The following TATDN1 variants were observed in gnomAD, a reference collection of about 807,000 sequenced individuals.
TATDN1 encodes deoxyribonuclease TATDN1.
A neutral mutation model predicts 46.4 loss-of-function variants in TATDN1; 40 were observed. That is an observed-to-expected ratio of 0.86 (90% CI 0.67 to 1.12). TATDN1 has a LOEUF of 1.12. Ranked by LOEUF, TATDN1 falls within the 50% of genes most tolerant of loss-of-function variation. TATDN1 has a pLI of 0.00. For synonymous variants in TATDN1, 95 were observed against 105.6 expected (o/e 0.90, Z 0.62); for missense variants, 326 against 348.4 (o/e 0.94, Z 0.51).
intron 1 of TATDN1, among the ~76,000 whole-genome samples, chr8:124,537,953 A>G (rs201921176): frequency 6.7e-6 from 1 of 148,872 alleles, no homozygotes; most frequent in Admixed American, 6.6e-5. Flanking sequence ...CTTTGAAAAA[A>G]AAAAATACTG....
intron 11 of TATDN1, chr8:124,490,111 C>T (rs1028070156): frequency 6.6e-6 from 1 of 152,190 alleles, no homozygotes; most frequent in South Asian, 2.1e-4. Flanking sequence ...ATGCACTTCT[C>T]AGAATTGGAA....
intron 1 of TATDN1, among the ~76,000 whole-genome samples, chr8:124,531,307 G>T (rs1441912015): frequency 6.6e-6 from 1 of 152,190 alleles, no homozygotes; most frequent in Non-Finnish European, 1.5e-5. Flanking sequence ...ATGGACTGCA[G>T]AATCAGTAAT....
In TATDN1 at chr8:124,493,893, G is replaced by A. The variant is rs749330996; in HGVS notation, c.731C>T (p.Thr244Ile). ...GSKYIRTAFP[T>I]KKKWESGHCL... ...GTGCCCACTTTCCCACTTCTTTTTG[G>A]TAGGAAATGCAGTTCTTATATATTT... The change falls in exon 11 of 12, where the codon ACC becomes ATC. Residue 244 changes from threonine to isoleucine, a missense_variant. Coordinates refer to ENST00000276692, the MANE Select transcript of TATDN1 (RefSeq NM_032026.4). 6.2e-7 allele frequency: 1 copy of A among 1,612,126 alleles called. No individual in the cohort carries two copies. The highest frequency in any genetic ancestry group is 8.5e-7 in the Non-Finnish European group (1 of 1,179,802).
At position 124,521,974 on chromosome 8, in the gene TATDN1, T is replaced by C. The variant is rs890475696; in HGVS notation, c.138+177A>G. 5 of 460,532 alleles carry C rather than the reference T, an allele frequency of 1.1e-5. No homozygotes were observed. The South Asian group carries it at 1.4e-4, about 13-fold the overall frequency. 28.5% of individuals were successfully genotyped at this position (460,532 alleles called of 1,614,324 possible). On this transcript the variant is annotated intron_variant, in intron 3 of 11. Coordinates refer to ENST00000276692, the MANE Select transcript of TATDN1 (RefSeq NM_032026.4). The stretch of plus-strand genomic sequence containing the variant: ...ATACATGAGATTTGTGTAACTTAAA[T>C]TGCTATGAACAGAGTATTTTGATAT...
intron 4 of TATDN1, among the ~76,000 whole-genome samples, chr8:124,518,372 A>C (rs1374411146): frequency 1.3e-5 from 2 of 150,650 alleles, no homozygotes; most frequent in East Asian, 1.9e-4. Flanking sequence ...AAAATACAAA[A>C]AATTAGCCTG....
chr8:124,497,428 G>C (rs538220924), intron 9 of TATDN1, among the ~76,000 whole-genome samples: 1 of 152,102 alleles, frequency 6.6e-6, no homozygotes, highest in African/African-American at 2.4e-5. Flanking sequence ...TGGGACTACA[G>C]GTGCCTGCCA....
chr8:124,527,678 T>A (rs532177178), intron 1 of TATDN1, among the ~76,000 whole-genome samples: 1 of 150,642 alleles, frequency 6.6e-6, no homozygotes, highest in South Asian at 2.1e-4. Flanking sequence ...GGCAGGGGGG[T>A]GCTTAGAAAT....
intron 3 of TATDN1, chr8:124,521,746 C>G (rs1820066760): frequency 6.5e-6 from 1 of 154,990 alleles, no homozygotes; most frequent in South Asian, 2.0e-4. Context: ...GAAAGTTTTA[C>G]TCCATTATTT....
intron 1 of TATDN1, among the ~76,000 whole-genome samples, chr8:124,527,670 C>T (rs1586669062): frequency 2.0e-5 from 3 of 152,024 alleles, no homozygotes; most frequent in Non-Finnish European, 2.9e-5. Flanking sequence ...TCGGGTGGGG[C>T]AGGGGGGTGC....
intron 9 of TATDN1, 101 bp from the exon 10 acceptor site, chr8:124,495,643 C>G (rs908476789): frequency 7.4e-6 from 6 of 814,968 alleles, no homozygotes; most frequent in African/African-American, 7.0e-5. Context: ...ACCCAAAACC[C>G]TATAACACTT....
At chr8:124,526,448 A>G (rs1458963178) in intron 1 of TATDN1, among the ~76,000 whole-genome samples, 1 of 152,242 alleles carries the variant, frequency 6.6e-6, no homozygotes, top group Non-Finnish European at 1.5e-5. Flanking sequence ...AGATCCAGCT[A>G]AAGATAGTAA....
At chr8:124,490,789 C>CA (rs1816926249) in intron 11 of TATDN1, among the ~76,000 whole-genome samples, 1 of 151,396 alleles carries the variant, frequency 6.6e-6, no homozygotes, top group Non-Finnish European at 1.5e-5. Flanking sequence ...CACTGTGGCC[C>CA]AAGCTGGAGT....
intron 1 of TATDN1, among the ~76,000 whole-genome samples, chr8:124,532,557 T>C (rs1448134186): frequency 2.0e-5 from 3 of 152,224 alleles, no homozygotes; most frequent in African/African-American, 7.2e-5. Flanking sequence ...GTGCTAGGAT[T>C]ACAGGCGTGA....
At chr8:124,504,124 T>G in intron 9 of TATDN1, 147 bp downstream of exon 9, 1 of 709,954 alleles carries the variant, frequency 1.4e-6, no homozygotes, top group East Asian at 2.8e-5. Flanking sequence ...AATTTCTTAA[T>G]AAATAATTAC....
chr8:124,517,282 G>C (rs1819559968), intron 4 of TATDN1, among the ~76,000 whole-genome samples: 1 of 152,122 alleles, frequency 6.6e-6, no homozygotes. Context: ...ACAAAAATTA[G>C]CTGGGTGTGG....
chr8:124,494,372 T>C (rs141725584), intron 10 of TATDN1: 1 of 153,300 alleles, frequency 6.5e-6, no homozygotes, highest in East Asian at 1.9e-4. Flanking sequence ...TTTGAATATT[T>C]TTTAATAAAG....
chr8:124,528,219 G>C (rs1218481625), intron 1 of TATDN1, among the ~76,000 whole-genome samples: 2 of 151,986 alleles, frequency 1.3e-5, no homozygotes, highest in African/African-American at 4.8e-5. Context: ...TGTCACCCAG[G>C]CTGGAGTACA....
chr8:124,497,288 C>CT (rs750659706), intron 9 of TATDN1, among the ~76,000 whole-genome samples: 8,201 of 101,114 alleles, frequency 0.081, 784 homozygotes, highest in African/African-American at 0.21. Context: ...CTTTCTTCTT[C>CT]TTTTTTTTTT....
intron 9 of TATDN1, among the ~76,000 whole-genome samples, chr8:124,503,383 C>G (rs1444127441): frequency 2.0e-5 from 3 of 152,210 alleles, no homozygotes; most frequent in African/African-American, 7.2e-5. Context: ...GATATTTGTT[C>G]ATATCTGTTA....
Sources: gnomAD v4.1 joint callset for allele counts (sites outside exome capture counted in the v4.1 genomes callset) on GRCh38, gnomAD v4.1.1 for gene constraint, MANE v1.5 for transcripts, NCBI Gene and HGNC (gene_info 2026-07-23, HGNC 2026-07-21) for gene names.